The following WWP2 variants were observed in gnomAD, a reference collection of about 807,000 sequenced individuals.
WWP2 encodes the protein NEDD4-like E3 ubiquitin-protein ligase WWP2.
Under a neutral mutation model 121.0 loss-of-function variants are expected in WWP2, and 57 were observed. The ratio of observed to expected loss-of-function variants is 0.47; its 90% CI spans 0.38 to 0.59. WWP2 has a LOEUF of 0.59. Among genes scored for constraint, WWP2 ranks in the 20% least tolerant of loss-of-function variants. WWP2 has a pLI of 0.00. For missense variants in WWP2, 962 were observed against 1,158.9 expected (o/e 0.83, Z 2.47); for synonymous variants, 449 against 441.3 (o/e 1.02, Z -0.22).
At chr16:69,843,372 G>A (rs1048026342) in intron 6 of WWP2, among the ~76,000 whole-genome samples, 1 of 152,126 alleles carries the variant, frequency 6.6e-6, no homozygotes, top group Non-Finnish European at 1.5e-5. Context: ...GCAACTGAAC[G>A]TCTAGGCAGG....
intron 4 of WWP2, among the ~76,000 whole-genome samples, chr16:69,819,388 A>G (rs2056553579): frequency 6.6e-6 from 1 of 152,056 alleles, no homozygotes; most frequent in Non-Finnish European, 1.5e-5. Context: ...ACCTCATCTC[A>G]AACATGCTCC....
rs1035469397 is a variant in WWP2, at chr16:69,882,686, A to C, written c.704-5353A>C. Among the ~76,000 whole-genome samples the C allele has an allele frequency of 2.6e-5, 4 of 152,314 alleles. No individual in the cohort carries two copies. In the South Asian group the frequency reaches 8.3e-4, roughly 32 times the overall value. On this transcript the variant is annotated intron_variant, in intron 7 of 23. Transcript: ENST00000359154. ...TCCAGGGAAGAAGGCCGATGTGGGC[A>C]AAGAGATGCAGCAAGAACACAAGGG... is the stretch of plus-strand genomic sequence containing the variant.
chr16:69,829,663 G>A (rs1205743505), intron 4 of WWP2, among the ~76,000 whole-genome samples: 5 of 152,200 alleles, frequency 3.3e-5, no homozygotes, highest in African/African-American at 1.2e-4. Context: ...ACCAGGCCAA[G>A]CATCTGGCTG....
intron 1 of WWP2, among the ~76,000 whole-genome samples, chr16:69,772,546 G>T (rs1461297082): frequency 1.3e-5 from 2 of 152,162 alleles, no homozygotes; most frequent in African/African-American, 2.4e-5. Flanking sequence ...GCAGGGCTAC[G>T]CTATAGGCAG....
chr16:69,917,550 G>A, intron 9 of WWP2, 159 bp from the exon 10 acceptor site: 1 of 707,858 alleles, frequency 1.4e-6, no homozygotes, highest in South Asian at 2.3e-5. Context: ...GGGATTGGGT[G>A]CTGCAGAGGC....
At chr16:69,929,573 CTG>C (rs2058684553) in intron 12 of WWP2, 44 bp downstream of exon 12, 3 of 1,562,052 alleles carry the variant, frequency 1.9e-6, no homozygotes, top group Admixed American at 1.7e-5. Flanking sequence ...GGCTGGGTCT[CTG>C]TGCAGCTCCA....
At chr16:69,878,231 A>G (rs1183618481) in intron 7 of WWP2, among the ~76,000 whole-genome samples, 2 of 152,196 alleles carry the variant, frequency 1.3e-5, no homozygotes, top group African/African-American at 4.8e-5. Context: ...GAAAAATTTT[A>G]AGTTGGAAAA....
intron 4 of WWP2, among the ~76,000 whole-genome samples, chr16:69,815,320 T>G (rs2056468439): frequency 6.6e-6 from 1 of 152,056 alleles, no homozygotes; most frequent in African/African-American, 2.4e-5. Context: ...TATTGTTAGT[T>G]TTTTAGAGGC....
At chr16:69,909,028 T>C in intron 9 of WWP2, 178 bp downstream of exon 9, 5 of 1,380,602 alleles carry the variant, frequency 3.6e-6, no homozygotes, top group Non-Finnish European at 4.7e-6. Context: ...TTAGGACATA[T>C]TAGAATTATT....
chr16:69,836,159 A>G (rs1027695567), intron 4 of WWP2, among the ~76,000 whole-genome samples: 5 of 152,186 alleles, frequency 3.3e-5, no homozygotes, highest in African/African-American at 1.2e-4. Flanking sequence ...TTCAAACATC[A>G]TCTAATATTC....
In WWP2 at chr16:69,905,792, T is replaced by G. The variant is rs367661487; in HGVS notation, c.915-2969T>G. ...GAGTCCTTATAAATTTCAGTTCATC[T>G]TCCTTTTCTGCCCATTCTTCCTTTC... On this transcript the variant is annotated intron_variant, in intron 8 of 23. Transcript: ENST00000359154. Among the ~76,000 whole-genome samples the G allele has an allele frequency of 1.2e-4, 18 of 152,334 alleles. 2 individuals carry two copies. Among genetic ancestry groups the G allele is most frequent in the East Asian group, 3.9e-4 (2 of 5,170 alleles).
intron 11 of WWP2, among the ~76,000 whole-genome samples, chr16:69,928,816 T>C (rs2058672898): frequency 1.3e-5 from 2 of 152,142 alleles, no homozygotes. Context: ...GCCCCAGATA[T>C]CATTTATTTG....
At position 69,937,659 on chromosome 16, in the gene WWP2, C is replaced by A; in HGVS notation, c.2343+7C>A. 1 of 1,613,734 alleles carries A rather than the reference C, an allele frequency of 6.2e-7. No individual in the cohort carries two copies. Among genetic ancestry groups the A allele is most frequent in the South Asian group, 1.1e-5 (1 of 91,026 alleles). On this transcript the variant is annotated splice_region_variant and intron_variant, in intron 21 of 23. Transcript: ENST00000359154. The surrounding 1 kb of genome is among the most constrained non-coding windows in gnomAD (Gnocchi z 6.6). ...GATCCAGTGGTTCTGGCAGGTGGGT[C>A]CCGGGCCCAGGCCTTGGCAGGGACA...
At chr16:69,828,457 C>T (rs1411157182) in intron 4 of WWP2, among the ~76,000 whole-genome samples, 1 of 152,182 alleles carries the variant, frequency 6.6e-6, no homozygotes, top group Non-Finnish European at 1.5e-5. Context: ...ACCTCTGCCT[C>T]CCTAGTTCAA....
chr16:69,794,985 C>T (rs112089659), intron 2 of WWP2, among the ~76,000 whole-genome samples: 11 of 152,114 alleles, frequency 7.2e-5, no homozygotes, highest in African/African-American at 2.4e-4. Flanking sequence ...AAAGCTCTGG[C>T]GGGTAGATCG....
At chr16:69,852,789 T>C (rs2057243031) in intron 6 of WWP2, among the ~76,000 whole-genome samples, 1 of 152,242 alleles carries the variant, frequency 6.6e-6, no homozygotes, top group Non-Finnish European at 1.5e-5. Flanking sequence ...CTTCTCATTC[T>C]CTTTACCACC....
chr16:69,834,348 C>T (rs2056839653), intron 4 of WWP2, among the ~76,000 whole-genome samples: 1 of 152,138 alleles, frequency 6.6e-6, no homozygotes, highest in Admixed American at 6.5e-5. Flanking sequence ...CCTCCAGATA[C>T]CCACGTGACT....
At chr16:69,782,438 T>G (rs1385763551) in intron 1 of WWP2, among the ~76,000 whole-genome samples, 2 of 152,080 alleles carry the variant, frequency 1.3e-5, no homozygotes, top group East Asian at 3.9e-4. Context: ...GAGGCAGGAC[T>G]GGTATCCCCA....
chr16:69,871,967 G>T, intron 7 of WWP2, 36 bp downstream of exon 7: 1 of 1,597,946 alleles, frequency 6.3e-7, no homozygotes, highest in Non-Finnish European at 8.5e-7. Flanking sequence ...CTGCACTGAA[G>T]CTGTGGGCTC....
Sources: gnomAD v4.1 joint callset for allele counts (sites outside exome capture counted in the v4.1 genomes callset) on GRCh38, gnomAD v4.1.1 for gene constraint, Gnocchi (gnomAD v3.1) non-coding constraint, MANE v1.5 for transcripts, NCBI Gene and HGNC (gene_info 2026-07-23, HGNC 2026-07-21) for gene names.